SIPA1L1: variants seen among roughly 807,000 people sequenced by gnomAD.
SIPA1L1 encodes the protein signal induced proliferation associated 1 like 1, also known as signal-induced proliferation-associated 1-like protein 1.
SIPA1L1 carries 26 observed loss-of-function variants against 162.7 expected under a neutral mutation model. That is an observed-to-expected ratio of 0.16 (90% CI 0.12 to 0.22). The LOEUF (loss-of-function observed/expected upper bound fraction) is 0.22. Among genes scored for constraint, SIPA1L1 ranks in the 10% least tolerant of loss-of-function variants. The pLI, the probability that SIPA1L1 is intolerant of heterozygous loss-of-function variation, is 1.00. For missense variants in SIPA1L1, 1,874 were observed against 2,241.0 expected (o/e 0.84, Z 3.31); for synonymous variants, 829 against 837.4 (o/e 0.99, Z 0.17).
intron 8 of SIPA1L1, 141 bp from the exon 9 acceptor site, chr14:71,658,192 A>G (rs1224745368): frequency 6.9e-6 from 4 of 582,784 alleles, no homozygotes; most frequent in Admixed American, 3.1e-5. Context: ...AAAAAAAAAA[A>G]GGAAGAACAC....
At chr14:71,454,391 T>C (rs367551786) in intron 2 of SIPA1L1, among the ~76,000 whole-genome samples, 1 of 152,164 alleles carries the variant, frequency 6.6e-6, no homozygotes, top group East Asian at 1.9e-4. Context: ...TAAAAGTGGA[T>C]TGGCAGTTAT....
chr14:71,560,135 TA>T (rs1420017486), intron 4 of SIPA1L1, among the ~76,000 whole-genome samples: 1 of 152,256 alleles, frequency 6.6e-6, no homozygotes, highest in Non-Finnish European at 1.5e-5. Context: ...AAATATTGTC[TA>T]CTTTTAGTAA....
At chr14:71,631,377 T>C (rs2040555165) in intron 7 of SIPA1L1, among the ~76,000 whole-genome samples, 1 of 152,262 alleles carries the variant, frequency 6.6e-6, no homozygotes, top group African/African-American at 2.4e-5. Flanking sequence ...TAGTATTTTG[T>C]TGTACTGCTG....
chr14:71,380,981 A>G (rs1012633683), intron 2 of SIPA1L1, among the ~76,000 whole-genome samples: 4 of 152,216 alleles, frequency 2.6e-5, no homozygotes, highest in African/African-American at 9.6e-5. Flanking sequence ...AAAAAGGAAT[A>G]TTAATAATTG....
intron 4 of SIPA1L1, chr14:71,576,600 A>AT (rs934031172): frequency 1.2e-4 from 18 of 152,194 alleles, no homozygotes; most frequent in Non-Finnish European, 2.2e-4. Context: ...ATTCTTTATA[A>AT]TTTACAGTTT....
intron 2 of SIPA1L1, among the ~76,000 whole-genome samples, chr14:71,366,611 G>A (rs1193135816): frequency 2.0e-5 from 3 of 152,012 alleles, no homozygotes; most frequent in African/African-American, 7.3e-5. Flanking sequence ...TTTTGTTTTT[G>A]TATTTTTAGC....
rs140303652 is a variant in SIPA1L1 at position 71,730,174 on chromosome 14, C to T, written c.4734C>T (p.Thr1578=). 1.2e-6 allele frequency: 2 copies of T among 1,614,172 alleles called. No homozygotes were observed. Among genetic ancestry groups the T allele is most frequent in the East Asian group, 2.2e-5 (1 of 44,884 alleles). ...ATAGCCAGAGGGAGCACTTTTTCACCTCCAGGGCGTCACTTCTGGACCAAG... is the reference window on the plus strand; with the variant it reads ...ATAGCCAGAGGGAGCACTTTTTCACTTCCAGGGCGTCACTTCTGGACCAAG... ...IYNSQREHFF[T]SRASLLDQAL... Residue 1578 remains threonine (T), a synonymous_variant, in exon 20 of 24, where the codon ACC becomes ACT. Coordinates refer to ENST00000381232, the MANE Select transcript of SIPA1L1 (RefSeq NM_001386936.1).
At chr14:71,558,215 T>C (rs2056503108) in intron 4 of SIPA1L1, among the ~76,000 whole-genome samples, 1 of 152,160 alleles carries the variant, frequency 6.6e-6, no homozygotes, top group Non-Finnish European at 1.5e-5. Context: ...TGGATATTTG[T>C]TGAGTGAATA....
At chr14:71,457,514 G>C (rs1236004946) in intron 2 of SIPA1L1, among the ~76,000 whole-genome samples, 1 of 151,456 alleles carries the variant, frequency 6.6e-6, no homozygotes, top group African/African-American at 2.4e-5. Context: ...GGCCAAGCTG[G>C]TCTTGAACTC....
chr14:71,733,728 C>T lies in SIPA1L1; in HGVS notation c.4924C>T (p.Pro1642Ser), dbSNP rs773428993. ...DIQETRRQPM[P>S]DPGLMPLPDT... is the part of the protein sequence containing the mutation. ...CCAGGAGACCCGCAGGCAGCCTATG[C>T]CCGACCCTGGCCTGATGCCCCTGCC... The change falls in exon 21 of 24, where the codon CCC becomes TCC. Residue 1642 changes from proline (P) to serine (S), a missense_variant. This residue lies in a region of SIPA1L1 where 936 missense variants were observed against 1,051.9 expected (regional missense o/e 0.89). Coordinates refer to ENST00000381232, the MANE Select transcript of SIPA1L1 (RefSeq NM_001386936.1). 1 of 1,613,890 alleles carries T rather than the reference C, an allele frequency of 6.2e-7. No individual in the cohort carries two copies. Among genetic ancestry groups the T allele is most frequent in the South Asian group, 1.1e-5 (1 of 91,064 alleles).
In SIPA1L1 at chr14:71,377,185, G is replaced by A. The variant is rs563279239; in HGVS notation, c.-465+56004G>A. 8.0e-5 allele frequency among the ~76,000 whole-genome samples: 12 copies of A among 150,036 alleles called. No homozygotes were observed. The highest frequency in any genetic ancestry group is 1.5e-4 in the African/African-American group (6 of 40,774). On this transcript the variant is annotated intron_variant, in intron 2 of 23. Transcript: ENST00000381232. This position sits in a 1 kb window ranked among gnomAD's most constrained non-coding sequence, Gnocchi z 4.8. ...GCCCCCACCTCCCAGATGGGGCGGC[G>A]GCCGGGTGGGGGCGCCCCCCCACCT...
In SIPA1L1 at chr14:71,587,781, C is replaced by T. The variant is rs960534421; in HGVS notation, c.-92C>T. The T allele has an allele frequency of 2.6e-6, 3 of 1,161,258 alleles. No homozygotes were observed. The highest frequency in any genetic ancestry group is 2.4e-5 in the East Asian group (1 of 42,148). The allele number at this position is 1,161,258 out of a possible 1,614,324, so 71.9% of individuals were successfully genotyped here. A position where few individuals can be genotyped will look rare whatever the true frequency, so the allele number is the denominator to read the frequency against. ...AGATCTCATGCAACTGTTGTATTTT[C>T]TGGAAGCCATTCTCCAAAAGGGAAG... On this transcript the variant is annotated 5_prime_UTR_variant, in exon 5 of 24. Transcript: ENST00000381232.
chr14:71,569,492 C>CTG (rs2031504368), intron 4 of SIPA1L1, among the ~76,000 whole-genome samples: 1 of 152,194 alleles, frequency 6.6e-6, no homozygotes, highest in Admixed American at 6.5e-5. Context: ...TGCTGGCAGT[C>CTG]AGACGGGAAG....
chr14:71,451,205 AG>A (rs2045794662), intron 2 of SIPA1L1, among the ~76,000 whole-genome samples: 1 of 152,044 alleles, frequency 6.6e-6, no homozygotes. Context: ...TGAACTCAGA[AG>A]TAGATTGTAG....
rs547289444 is a variant in SIPA1L1 at position 71,723,028 on chromosome 14, G to A, written c.4209-619G>A. On this transcript the variant is annotated intron_variant, in intron 17 of 23. Transcript: ENST00000381232. Reference sequence around the variant, plus strand: ...TGGGATTACAGGCGTAAGCCACCCCGCCCAGCCCTAGTTTTGTAATCTTTA... The same window carrying A: ...TGGGATTACAGGCGTAAGCCACCCCACCCAGCCCTAGTTTTGTAATCTTTA... Among the ~76,000 whole-genome samples the A allele has an allele frequency of 2.6e-5, 4 of 152,316 alleles. No individual in the cohort carries two copies. The South Asian group carries it at 6.2e-4, about 24-fold the overall frequency.
chr14:71,725,348 C>A (rs2084136336), intron 19 of SIPA1L1, among the ~76,000 whole-genome samples: 1 of 152,182 alleles, frequency 6.6e-6, no homozygotes, highest in South Asian at 2.1e-4. Context: ...CATTGCCACA[C>A]CCCCAAAAGT....
intron 13 of SIPA1L1, among the ~76,000 whole-genome samples, chr14:71,694,199 G>A (rs2081451914): frequency 1.3e-5 from 2 of 152,074 alleles, no homozygotes; most frequent in Admixed American, 1.3e-4. Context: ...GTGTGGTGGA[G>A]GACAGGGGTG....
At chr14:71,607,548 T>C (rs917683320) in intron 5 of SIPA1L1, among the ~76,000 whole-genome samples, 2 of 152,084 alleles carry the variant, frequency 1.3e-5, no homozygotes, top group Non-Finnish European at 2.9e-5. Context: ...GTGGTTAATC[T>C]TTCCTGGTTA....
At chr14:71,606,924 GA>G (rs1052505548) in intron 5 of SIPA1L1, among the ~76,000 whole-genome samples, 2 of 151,432 alleles carry the variant, frequency 1.3e-5, no homozygotes, top group African/African-American at 4.9e-5. Flanking sequence ...TCAGGCAGAA[GA>G]AAAAAATAAA....
Sources: gnomAD v4.1 joint callset for allele counts (sites outside exome capture counted in the v4.1 genomes callset) on GRCh38, gnomAD v4.1.1 for gene constraint, gnomAD v4.1.1 regional missense constraint, Gnocchi (gnomAD v3.1) non-coding constraint, MANE v1.5 for transcripts, NCBI Gene and HGNC (gene_info 2026-07-23, HGNC 2026-07-21) for gene names.